Variants in ULK4 observed in about 807,000 individuals in gnomAD.
ULK4 encodes the protein inactive serine/threonine-protein kinase ULK4.
Under a neutral mutation model 160.6 loss-of-function variants are expected in ULK4, and 133 were observed. The ratio of observed to expected loss-of-function variants is 0.83; its 90% CI spans 0.72 to 0.96. The LOEUF is 0.96. Ranked by LOEUF, ULK4 falls within the 40% of genes least tolerant of loss-of-function variation. ULK4 has a pLI of 0.00. For synonymous variants in ULK4, 534 were observed against 539.8 expected (o/e 0.99, Z 0.15); for missense variants, 1,580 against 1,499.5 (o/e 1.05, Z -0.89).
chr3:41,581,761 A>T (rs543708715), intron 31 of ULK4, among the ~76,000 whole-genome samples: 2 of 152,182 alleles, frequency 1.3e-5, no homozygotes, highest in Non-Finnish European at 2.9e-5. Context: ...GCCATGTGCT[A>T]ATCAAGGCAT....
At chr3:41,792,380 T>C (rs1442482663) in intron 20 of ULK4, among the ~76,000 whole-genome samples, 1 of 152,172 alleles carries the variant, frequency 6.6e-6, no homozygotes, top group East Asian at 1.9e-4. Context: ...CAAACAGTAT[T>C]GTTTAATTAT....
At chr3:41,508,497 C>T (rs912916547) in intron 32 of ULK4, among the ~76,000 whole-genome samples, 3 of 152,074 alleles carry the variant, frequency 2.0e-5, no homozygotes, top group Admixed American at 2.0e-4. Context: ...CTTTTGAAAG[C>T]GCCACCTCCT....
intron 32 of ULK4, among the ~76,000 whole-genome samples, chr3:41,525,033 G>T (rs1478052612): frequency 1.3e-5 from 2 of 152,132 alleles, no homozygotes; most frequent in Non-Finnish European, 2.9e-5. Context: ...TGAAAGATGA[G>T]ACTTGAGAGC....
At chr3:41,325,047 T>C (rs758384803) in intron 35 of ULK4, among the ~76,000 whole-genome samples, 14 of 152,164 alleles carry the variant, frequency 9.2e-5, no homozygotes, top group African/African-American at 1.7e-4. Context: ...GGAGGACCAG[T>C]AGGGCCTGTT....
intron 30 of ULK4, among the ~76,000 whole-genome samples, chr3:41,617,114 GACAAAAC>G (rs1347207572): frequency 1.3e-5 from 2 of 152,236 alleles, no homozygotes; most frequent in Admixed American, 1.3e-4. Flanking sequence ...GGGGCTTACA[GACAAAAC>G]CCCAATCTCC....
intron 31 of ULK4, among the ~76,000 whole-genome samples, chr3:41,598,051 C>G (rs148643368): frequency 1.1e-4 from 17 of 152,282 alleles, no homozygotes; most frequent in Non-Finnish European, 2.2e-4. Flanking sequence ...AGCTAATAAG[C>G]CTCAAGAGTT....
intron 11 of ULK4, among the ~76,000 whole-genome samples, chr3:41,910,465 G>A (rs938191113): frequency 5.3e-5 from 8 of 151,736 alleles, no homozygotes; most frequent in African/African-American, 1.7e-4. Flanking sequence ...GAGGTGGTGG[G>A]CCCCTGTAGT....
At chr3:41,802,566 T>C (rs2040493314) in intron 19 of ULK4, among the ~76,000 whole-genome samples, 1 of 152,190 alleles carries the variant, frequency 6.6e-6, no homozygotes, top group Admixed American at 6.6e-5. Context: ...CCCAGAGTGC[T>C]GCGATTACAA....
intron 35 of ULK4, among the ~76,000 whole-genome samples, chr3:41,329,379 A>G (rs962532269): frequency 1.3e-5 from 2 of 152,194 alleles, no homozygotes; most frequent in African/African-American, 4.8e-5. Context: ...CTTTGTATTG[A>G]TGTTTACTTT....
chr3:41,406,222 G>A (rs2082291669), intron 34 of ULK4, among the ~76,000 whole-genome samples: 1 of 152,154 alleles, frequency 6.6e-6, no homozygotes, highest in South Asian at 2.1e-4. Flanking sequence ...TACTAAATAG[G>A]CAGTCCTTTC....
intron 17 of ULK4, among the ~76,000 whole-genome samples, chr3:41,867,611 A>C (rs1696942927): frequency 6.6e-6 from 1 of 152,204 alleles, no homozygotes; most frequent in South Asian, 2.1e-4. Flanking sequence ...TCCTGGCCTC[A>C]AGTGATCTGC....
intron 35 of ULK4, among the ~76,000 whole-genome samples, chr3:41,335,324 G>A (rs1467268872): frequency 6.6e-6 from 1 of 152,106 alleles, no homozygotes; most frequent in Non-Finnish European, 1.5e-5. Context: ...TTCATGGCCT[G>A]GAATTTAAAG....
intron 35 of ULK4, chr3:41,258,485 G>GT (rs1449002217): frequency 1.3e-5 from 2 of 152,110 alleles, no homozygotes; most frequent in Non-Finnish European, 2.9e-5. Context: ...AGCGAAGAGT[G>GT]TAAGCACAAT....
chr3:41,428,448 G>A (rs988864273), intron 34 of ULK4, among the ~76,000 whole-genome samples: 2 of 152,098 alleles, frequency 1.3e-5, no homozygotes, highest in African/African-American at 4.8e-5. Context: ...CAAAAAAAGA[G>A]CCTATATAGC....
At chr3:41,905,260 G>T (rs1292290294) in intron 12 of ULK4, among the ~76,000 whole-genome samples, 1 of 151,056 alleles carries the variant, frequency 6.6e-6, no homozygotes, top group Non-Finnish European at 1.5e-5. Context: ...ATAGCGCTGA[G>T]ACAACTGGAT....
At chr3:41,825,055 G>T (rs578053284) in intron 18 of ULK4, among the ~76,000 whole-genome samples, 7 of 152,192 alleles carry the variant, frequency 4.6e-5, no homozygotes, top group Non-Finnish European at 1.0e-4. Flanking sequence ...GGTGAACAGG[G>T]TCTGGAGTGG....
At chr3:41,816,007 T>G (rs948159934) in intron 19 of ULK4, among the ~76,000 whole-genome samples, 3 of 152,024 alleles carry the variant, frequency 2.0e-5, no homozygotes, top group Non-Finnish European at 4.4e-5. Flanking sequence ...TCCCAGCTAC[T>G]TGGGAGGCTG....
intron 30 of ULK4, among the ~76,000 whole-genome samples, chr3:41,624,995 G>A (rs1487216403): frequency 6.6e-6 from 1 of 152,030 alleles, no homozygotes; most frequent in Non-Finnish European, 1.5e-5. Context: ...TGTTTTCTAT[G>A]ACTTATGAAC....
At chr3:41,477,907 C>A (rs2084194542) in intron 32 of ULK4, among the ~76,000 whole-genome samples, 1 of 152,190 alleles carries the variant, frequency 6.6e-6, no homozygotes, top group Non-Finnish European at 1.5e-5. Context: ...TTTGCCTATG[C>A]TATTTTAGCC....
Sources: allele counts gnomAD v4.1 joint callset (sites outside exome capture counted in the v4.1 genomes callset), GRCh38; gene constraint gnomAD v4.1.1; transcripts MANE v1.5; gene names NCBI Gene and HGNC (gene_info 2026-07-23, HGNC 2026-07-21).